The following EYS variants were observed in gnomAD, a reference collection of about 807,000 sequenced individuals.
The protein encoded by EYS is EGF-like photoreceptor maintenance factor, also known as protein eyes shut homolog.
Under a neutral mutation model 282.1 loss-of-function variants are expected in EYS, and 250 were observed. That is an observed-to-expected ratio of 0.89 (90% CI 0.80 to 0.98). The LOEUF (loss-of-function observed/expected upper bound fraction) is 0.98. Ranked by LOEUF, EYS falls within the 50% of genes least tolerant of loss-of-function variation. EYS has a pLI of 0.00. For synonymous variants in EYS, 1,355 were observed against 1,282.9 expected (o/e 1.06, Z -1.20); for missense variants, 4,016 against 3,709.0 (o/e 1.08, Z -2.15).
chr6:64,097,760 A>G (rs1288973569), intron 31 of EYS, among the ~76,000 whole-genome samples: 1 of 152,106 alleles, frequency 6.6e-6, no homozygotes, highest in African/African-American at 2.4e-5. Context: ...CATTGTCATG[A>G]TCATTGTATT....
intron 5 of EYS, among the ~76,000 whole-genome samples, chr6:65,483,741 C>A (rs1765684703): frequency 6.6e-6 from 1 of 152,012 alleles, no homozygotes; most frequent in Non-Finnish European, 1.5e-5. Context: ...TGAGAATGGG[C>A]AATTTGCAAA....
chr6:63,951,327 T>C (rs921472215), intron 35 of EYS, among the ~76,000 whole-genome samples: 1 of 152,210 alleles, frequency 6.6e-6, no homozygotes, highest in South Asian at 2.1e-4. Context: ...TTCTCCATCC[T>C]ACAAGATCTA....
At position 64,871,890 on chromosome 6, in the gene EYS, T is replaced by C. The variant is rs747781713; in HGVS notation, c.2992+14807A>G. Among the ~76,000 whole-genome samples, 7 of 151,966 alleles carry C rather than the reference T, an allele frequency of 4.6e-5. No individual in the cohort carries two copies. The South Asian group carries it at 8.3e-4, about 18-fold the overall frequency. On this transcript the variant is annotated intron_variant, in intron 19 of 42. Coordinates refer to ENST00000503581, the MANE Select transcript of EYS (RefSeq NM_001142800.2). ...CTCTAAAGGATAAGCCAACCAAGGATTGACAACAAAGAATTTGAAAAAGAA... is the reference window on the plus strand; with the variant it reads ...CTCTAAAGGATAAGCCAACCAAGGACTGACAACAAAGAATTTGAAAAAGAA...
At chr6:64,706,112 C>A (rs1583062847) in intron 22 of EYS, among the ~76,000 whole-genome samples, 1 of 150,730 alleles carries the variant, frequency 6.6e-6, no homozygotes, top group African/African-American at 2.4e-5. Flanking sequence ...GATACTGGCA[C>A]AAAAATAAGC....
chr6:65,096,690 C>T (rs1393658612), intron 12 of EYS, among the ~76,000 whole-genome samples: 1 of 151,080 alleles, frequency 6.6e-6, no homozygotes, highest in Non-Finnish European at 1.5e-5. Flanking sequence ...TGGAAATAAA[C>T]TCATGCATAT....
At position 63,984,515 on chromosome 6, in the gene EYS, C is replaced by G; in HGVS notation, c.6923G>C (p.Cys2308Ser). The change falls in exon 35 of 43, where the codon TGC (cysteine) becomes TCC (serine). Residue 2308 changes from cysteine (C) to serine (S), a missense_variant. Physicochemically the swap from Cys to Ser is moderately radical, Grantham distance 112. Coordinates refer to ENST00000503581, the MANE Select transcript of EYS (RefSeq NM_001142800.2). ...GTTGTTTACTTGAAGGTCTAGAATG[C>G]AGCCCCTGAACCCATAAACAGGACC... The part of the protein sequence containing the change: ...KAGPVYGFRG[C>S]ILDLQVNNKE... 1 of 1,549,506 alleles carries G rather than the reference C, an allele frequency of 6.5e-7. No individual in the cohort carries two copies. Among genetic ancestry groups the G allele is most frequent in the Non-Finnish European group, 8.7e-7 (1 of 1,145,436 alleles).
chr6:63,913,696 A>G (rs755688074), intron 35 of EYS, among the ~76,000 whole-genome samples: 8 of 152,326 alleles, frequency 5.3e-5, no homozygotes, highest in Admixed American at 1.3e-4. Context: ...TTTCTTCCGT[A>G]TGTATATACC....
At chr6:63,946,009 C>T (rs1765387267) in intron 35 of EYS, among the ~76,000 whole-genome samples, 1 of 152,154 alleles carries the variant, frequency 6.6e-6, no homozygotes. Flanking sequence ...TCAGGGTTCT[C>T]TTCATGATTA....
At chr6:64,836,449 T>G (rs1393029330) in intron 19 of EYS, among the ~76,000 whole-genome samples, 1 of 151,492 alleles carries the variant, frequency 6.6e-6, no homozygotes, top group African/African-American at 2.4e-5. Flanking sequence ...CATATATTTT[T>G]GGGGGTTATC....
intron 19 of EYS, among the ~76,000 whole-genome samples, chr6:64,884,647 T>C (rs1310791964): frequency 6.6e-6 from 1 of 151,522 alleles, no homozygotes; most frequent in Non-Finnish European, 1.5e-5. Context: ...GCTTTATCTG[T>C]CCATGTATGA....
chr6:63,733,741 A>G (rs750321826), intron 41 of EYS, among the ~76,000 whole-genome samples: 3 of 152,168 alleles, frequency 2.0e-5, no homozygotes, highest in South Asian at 2.1e-4. Flanking sequence ...GGACCACGTT[A>G]TAAACATGCA....
intron 26 of EYS, among the ~76,000 whole-genome samples, chr6:64,552,438 T>C (rs959126336): frequency 6.6e-6 from 1 of 152,156 alleles, no homozygotes. Flanking sequence ...ACAAAGAGTC[T>C]GGCACCTGTT....
At chr6:63,767,515 G>A (rs1304443310) in intron 40 of EYS, among the ~76,000 whole-genome samples, 5 of 151,798 alleles carry the variant, frequency 3.3e-5, no homozygotes, top group East Asian at 1.9e-4. Flanking sequence ...CTAGGAATAC[G>A]GAACCAAGGA....
Position 64,521,227 on chromosome 6 carries a change from A to G in EYS, c.5644+68996T>C, listed in dbSNP as rs545666870. On this transcript the variant is annotated intron_variant, in intron 26 of 42. Transcript: ENST00000503581. ...CACTCTCAAGTTGCAGTTTGCTTAC[A>G]TATTAGGTTAGGTTACAGTTTGCTA... Among the ~76,000 whole-genome samples, 4 of 151,922 alleles carry G rather than the reference A, an allele frequency of 2.6e-5. No individual in the cohort carries two copies. In the South Asian group the frequency reaches 8.3e-4, roughly 31 times the overall value.
At chr6:65,649,721 T>A (rs1397069882) in intron 1 of EYS, among the ~76,000 whole-genome samples, 1 of 152,148 alleles carries the variant, frequency 6.6e-6, no homozygotes, top group Non-Finnish European at 1.5e-5. Context: ...AAATTCAGTA[T>A]GAAGGAATTT....
intron 12 of EYS, among the ~76,000 whole-genome samples, chr6:65,266,887 CATATATAT>C (rs10571039): frequency 1.5e-4 from 21 of 139,604 alleles, no homozygotes; most frequent in African/African-American, 4.4e-4. Context: ...AATGTGTGTG[CATATATAT>C]ATATATATAT....
chr6:65,249,353 A>T (rs1582062470), intron 12 of EYS, among the ~76,000 whole-genome samples: 1 of 152,136 alleles, frequency 6.6e-6, no homozygotes, highest in African/African-American at 2.4e-5. Context: ...GTGAAAATAA[A>T]TAAGACATTC....
At chr6:64,968,706 C>G (rs774389354) in intron 14 of EYS, among the ~76,000 whole-genome samples, 1 of 152,106 alleles carries the variant, frequency 6.6e-6, no homozygotes, top group Non-Finnish European at 1.5e-5. Flanking sequence ...GTCAATAGCC[C>G]CATTGGCTGT....
At chr6:64,314,816 A>C (rs928340833) in intron 29 of EYS, among the ~76,000 whole-genome samples, 5 of 152,220 alleles carry the variant, frequency 3.3e-5, no homozygotes, top group African/African-American at 1.2e-4. Flanking sequence ...CCACAGGAGA[A>C]AGTAGGAAAG....
Sources: gnomAD v4.1 joint callset for allele counts (sites outside exome capture counted in the v4.1 genomes callset) on GRCh38, gnomAD v4.1.1 for gene constraint, MANE v1.5 for transcripts, NCBI Gene and HGNC (gene_info 2026-07-23, HGNC 2026-07-21) for gene names.